Variants in MAP2 observed in about 807,000 individuals in gnomAD.
The protein encoded by MAP2 is microtubule-associated protein 2.
In MAP2, 14 loss-of-function variants were observed where a neutral mutation model predicts 137.6. The observed-to-expected ratio is 0.10, with a 90% CI of 0.07 to 0.16. The LOEUF (loss-of-function observed/expected upper bound fraction) is 0.16. MAP2 is among the 10% of genes least tolerant of loss of function. The pLI, the probability that MAP2 is intolerant of heterozygous loss-of-function variation, is 1.00. For synonymous variants in MAP2, 786 were observed against 782.3 expected (o/e 1.00, Z -0.08); for missense variants, 2,088 against 2,191.5 (o/e 0.95, Z 0.94).
rs756367629 is a variant in MAP2 at position 209,693,366 on chromosome 2, T to C, written c.1196T>C (p.Val399Ala). 1.2e-6 allele frequency: 2 copies of C among 1,611,570 alleles called. No homozygotes were observed. Among genetic ancestry groups the C allele is most frequent in the Middle Eastern group, 1.6e-4 (1 of 6,066 alleles). Reference protein sequence around the residue: ...TLPKDAHIPVVEEHVMGKVLE... With the variant: ...TLPKDAHIPVAEEHVMGKVLE... ...CCCAAAGATGCTCACATTCCAGTTG[T>C]AGAAGAACATGTTATGGGGAAAGTT... Residue 399 changes from valine (V) to alanine (A), a missense_variant, in exon 8 of 16, where the codon GTA (valine) becomes GCA (alanine). Physicochemically the swap from Val to Ala is moderately conservative, Grantham distance 64 (BLOSUM62 0). Around this residue, in one of 6 missense-constraint regions of MAP2, gnomAD observed 859 missense variants for 794.5 expected, o/e 1.08. Transcript: ENST00000682079.
chr2:209,660,328 C>T (rs2042831553), intron 5 of MAP2, among the ~76,000 whole-genome samples: 1 of 151,274 alleles, frequency 6.6e-6, no homozygotes. Context: ...ATCACATCCA[C>T]ATAACTCCAG....
chr2:209,458,435 G>A (rs1702036454), intron 1 of MAP2, among the ~76,000 whole-genome samples: 3 of 152,026 alleles, frequency 2.0e-5, no homozygotes, highest in African/African-American at 4.8e-5. Context: ...AAATAATATC[G>A]AGAGCAAAGG....
rs1559577247 is a variant in MAP2 at position 209,693,506 on chromosome 2, G to GA, written c.1342dup (p.Thr448AsnfsTer5). ...AAAGGAAACTGAGCTGAAGCTTGAA[G>GA]AAAAAACCACCATTTCTGACAAAGA... On this transcript the variant is annotated frameshift_variant, in exon 8 of 16. Transcript: ENST00000682079. LOFTEE classifies it high-confidence loss of function. 1 of 1,610,406 alleles carries GA rather than the reference G, an allele frequency of 6.2e-7. No homozygotes were observed. The highest frequency in any genetic ancestry group is 8.5e-7 in the Non-Finnish European group (1 of 1,179,172).
chr2:209,710,433 A>C (rs2065037323), intron 13 of MAP2, 179 bp downstream of exon 13: 1 of 604,336 alleles, frequency 1.7e-6, no homozygotes, highest in Admixed American at 3.1e-5. Flanking sequence ...AACGAAAATC[A>C]CATGACATGC....
rs981721699 is a variant in MAP2 at position 209,565,305 on chromosome 2, C to T, written c.-171-14731C>T. Among the ~76,000 whole-genome samples, 4 of 152,028 alleles carry T rather than the reference C, an allele frequency of 2.6e-5. No homozygotes were observed. The South Asian group carries it at 6.2e-4, about 24-fold the overall frequency. On this transcript the variant is annotated intron_variant, in intron 2 of 15. Coordinates refer to ENST00000682079, the MANE Select transcript of MAP2 (RefSeq NM_001375505.1). ...TGATTATGGCTTACTGTAGCCTCAACCTTTTGGGTTTAAGCAATCCTTTCA... is the reference window on the plus strand; with the variant it reads ...TGATTATGGCTTACTGTAGCCTCAATCTTTTGGGTTTAAGCAATCCTTTCA...
chr2:209,528,333 A>G (rs889944783), intron 2 of MAP2, among the ~76,000 whole-genome samples: 4 of 152,190 alleles, frequency 2.6e-5, no homozygotes, highest in African/African-American at 9.6e-5. Flanking sequence ...TAGAATGGGA[A>G]ATATTACGTA....
intron 2 of MAP2, among the ~76,000 whole-genome samples, chr2:209,551,983 A>G (rs1403674079): frequency 6.6e-6 from 1 of 152,204 alleles, no homozygotes; most frequent in Non-Finnish European, 1.5e-5. Context: ...TACCATACTT[A>G]CCATACTGCT....
chr2:209,586,629 G>A (rs917686179), intron 3 of MAP2, among the ~76,000 whole-genome samples: 5 of 152,148 alleles, frequency 3.3e-5, no homozygotes, highest in Admixed American at 2.6e-4. Flanking sequence ...AAGGGTAAGA[G>A]TAGATGCTAA....
chr2:209,436,445 T>C (rs1696311954), intron 1 of MAP2, among the ~76,000 whole-genome samples: 1 of 151,638 alleles, frequency 6.6e-6, no homozygotes, highest in African/African-American at 2.4e-5. Context: ...TCTTATCATG[T>C]TCCAATAAAA....
At chr2:209,633,032 C>A (rs1236329480) in intron 4 of MAP2, among the ~76,000 whole-genome samples, 1 of 152,144 alleles carries the variant, frequency 6.6e-6, no homozygotes, top group Non-Finnish European at 1.5e-5. Context: ...ATTTAGAACA[C>A]GTCAAAGCAG....
chr2:209,635,992 C>T (rs1206728620), intron 4 of MAP2, among the ~76,000 whole-genome samples: 1 of 152,134 alleles, frequency 6.6e-6, no homozygotes, highest in Non-Finnish European at 1.5e-5. Flanking sequence ...CTGAGTATCT[C>T]TGTCAAATCA....
chr2:209,542,283 A>G (rs1041772802), intron 2 of MAP2, among the ~76,000 whole-genome samples: 2 of 152,232 alleles, frequency 1.3e-5, no homozygotes, highest in Admixed American at 6.5e-5. Flanking sequence ...TGAGTAAACA[A>G]TCCTGTAAAC....
In MAP2 at chr2:209,730,328, G is replaced by T. The variant is rs372398391; in HGVS notation, c.5415G>T (p.Leu1805=). 2 of 1,613,966 alleles carry T rather than the reference G, an allele frequency of 1.2e-6. No individual in the cohort carries two copies. The highest frequency in any genetic ancestry group is 2.7e-5 in the African/African-American group (2 of 74,906). ...SNVSSSGSIN[L]LESPQLATLA... ...TCTCCTCGTCTGGAAGCATCAACCT[G>T]CTCGAATCTCCTCAGCTTGCCACTT... The change falls in exon 16 of 16, where the codon CTG becomes CTT. Residue 1805 remains leucine, a synonymous_variant. Transcript: ENST00000682079.
chr2:209,679,511 T>C (rs2053598362), intron 6 of MAP2, among the ~76,000 whole-genome samples: 1 of 146,786 alleles, frequency 6.8e-6, no homozygotes, highest in South Asian at 2.1e-4. Context: ...ACGTGAGTCA[T>C]AGAAAGGTGT....
At chr2:209,469,057 A>G (rs1704961174) in intron 1 of MAP2, among the ~76,000 whole-genome samples, 1 of 152,216 alleles carries the variant, frequency 6.6e-6, no homozygotes, top group Non-Finnish European at 1.5e-5. Flanking sequence ...AGAACCAGAG[A>G]GTTAGAAGAG....
intron 5 of MAP2, chr2:209,661,478 T>C: frequency 1.0e-6 from 1 of 982,784 alleles, no homozygotes; most frequent in Non-Finnish European, 1.2e-6. Context: ...GAGAGGAGTG[T>C]GCAGAGCAGA....
chr2:209,650,804 T>C (rs1272160849), intron 4 of MAP2, among the ~76,000 whole-genome samples: 3 of 152,274 alleles, frequency 2.0e-5, no homozygotes, highest in East Asian at 1.9e-4. Context: ...TTTAAAACTT[T>C]CAAAAATGTA....
At chr2:209,717,378 T>A (rs926593330) in intron 13 of MAP2, among the ~76,000 whole-genome samples, 2 of 152,126 alleles carry the variant, frequency 1.3e-5, no homozygotes, top group Non-Finnish European at 2.9e-5. Context: ...AAGGGGGAAA[T>A]CTGCCCCCAT....
At chr2:209,710,528 T>C in intron 13 of MAP2, 2 of 348,604 alleles carry the variant, frequency 5.7e-6, no homozygotes, top group South Asian at 1.0e-4. Context: ...AATGTATCTC[T>C]ATTGCTTTGT....
Sources: allele counts gnomAD v4.1 joint callset (sites outside exome capture counted in the v4.1 genomes callset), GRCh38; gene constraint gnomAD v4.1.1; regional missense constraint gnomAD v4.1.1; transcripts MANE v1.5; gene names NCBI Gene and HGNC (gene_info 2026-07-23, HGNC 2026-07-21).